The following GALNT17 variants were observed in gnomAD, a reference collection of about 807,000 sequenced individuals.
The protein encoded by GALNT17 is UDP-GalNAc:polypeptide N-acetylgalactosaminyltransferase-like 3.
Under a neutral mutation model 63.7 loss-of-function variants are expected in GALNT17, and 29 were observed. The ratio of observed to expected loss-of-function variants is 0.46; its 90% CI spans 0.34 to 0.62. The LOEUF is 0.62. Among genes scored for constraint, GALNT17 ranks in the 20% least tolerant of loss-of-function variants. GALNT17 has a pLI of 0.01. For missense variants in GALNT17, 603 were observed against 799.6 expected, an observed-to-expected ratio of 0.75 and a Z score of 2.97; for synonymous variants, 305 against 318.3, an observed-to-expected ratio of 0.96 and a Z score of 0.45.
At chr7:71,137,396 C>G (rs1787806247) in intron 1 of GALNT17, among the ~76,000 whole-genome samples, 2 of 152,176 alleles carry the variant, frequency 1.3e-5, no homozygotes, top group South Asian at 4.1e-4. Flanking sequence ...GCCTCGGCCT[C>G]CCAAGGTGCT....
chr7:71,660,884 C>G (rs1790898405), intron 6 of GALNT17, among the ~76,000 whole-genome samples: 1 of 152,210 alleles, frequency 6.6e-6, no homozygotes, highest in South Asian at 2.1e-4. Flanking sequence ...GGTGATCACC[C>G]CCAGCCAACA....
chr7:71,306,888 G>A (rs4323379), intron 1 of GALNT17, among the ~76,000 whole-genome samples: 139,604 of 152,114 alleles, frequency 0.92, 64,133 homozygotes, highest in East Asian at 1. Context: ...CAGTGGCACA[G>A]TCTCAGCTCA....
chr7:71,291,227 C>T (rs116290592), intron 1 of GALNT17, among the ~76,000 whole-genome samples: 2,594 of 152,166 alleles, frequency 0.017, 24 homozygotes, highest in Middle Eastern at 0.034. Context: ...ATTTGTAACA[C>T]CTTCTACATC....
intron 5 of GALNT17, among the ~76,000 whole-genome samples, chr7:71,489,594 A>G (rs1271134066): frequency 1.3e-5 from 2 of 152,258 alleles, no homozygotes; most frequent in Non-Finnish European, 1.5e-5. Context: ...TATTAACCTC[A>G]GAAGGGAGAG....
intron 5 of GALNT17, among the ~76,000 whole-genome samples, chr7:71,445,668 C>T (rs1787149280): frequency 2.6e-5 from 4 of 152,132 alleles, no homozygotes; most frequent in Admixed American, 2.6e-4. Context: ...TTGCTGAAAT[C>T]GATTAAATTC....
At chr7:71,260,824 G>A (rs576568893) in intron 1 of GALNT17, among the ~76,000 whole-genome samples, 15 of 151,872 alleles carry the variant, frequency 9.9e-5, no homozygotes, top group Non-Finnish European at 1.9e-4. Flanking sequence ...GGCTGGCCTC[G>A]AACTCCTGGA....
chr7:71,246,417 C>T (rs1790098933), intron 1 of GALNT17, among the ~76,000 whole-genome samples: 1 of 151,916 alleles, frequency 6.6e-6, no homozygotes, highest in South Asian at 2.1e-4. Context: ...GCCACCACGC[C>T]TGGCCCCTCA....
intron 1 of GALNT17, among the ~76,000 whole-genome samples, chr7:71,189,246 A>G (rs947052194): frequency 6.6e-6 from 1 of 152,118 alleles, no homozygotes; most frequent in Non-Finnish European, 1.5e-5. Flanking sequence ...GCCTGCCGCC[A>G]TGTAAGATGT....
Position 71,206,112 on chromosome 7 carries a change from C to A in GALNT17, c.238+73072C>A, listed in dbSNP as rs541146804. Among the ~76,000 whole-genome samples the A allele has an allele frequency of 2.7e-5, 4 of 147,214 alleles. No homozygotes were observed. The South Asian group carries it at 8.6e-4, about 32-fold the overall frequency. On this transcript the variant is annotated intron_variant, in intron 1 of 10. Transcript: ENST00000333538. Reference sequence around the variant, plus strand: ...GTGTGTGTGTTCATGTGTGTGTATACATATGAGGTGTGTGTTTGTGTGTGT... The same window carrying A: ...GTGTGTGTGTTCATGTGTGTGTATAAATATGAGGTGTGTGTTTGTGTGTGT...
chr7:71,271,717 C>A (rs1300392177), intron 1 of GALNT17, among the ~76,000 whole-genome samples: 2 of 152,138 alleles, frequency 1.3e-5, no homozygotes, highest in Non-Finnish European at 2.9e-5. Context: ...CAGTCTCCAA[C>A]TCATCCTTAG....
chr7:71,493,995 A>G (rs1449596680), intron 5 of GALNT17, among the ~76,000 whole-genome samples: 1 of 152,064 alleles, frequency 6.6e-6, no homozygotes, highest in Non-Finnish European at 1.5e-5. Flanking sequence ...GGCAGGGTGT[A>G]TTAGTCCATT....
chr7:71,327,516 TAA>T (rs35470318), intron 1 of GALNT17, among the ~76,000 whole-genome samples: 1 of 152,076 alleles, frequency 6.6e-6, no homozygotes, highest in South Asian at 2.1e-4. Flanking sequence ...GAGCTACAAT[TAA>T]AAATGAGATT....
rs1554362120 is a variant in GALNT17 at position 71,377,114 on chromosome 7, A to ATATATATATAT, written c.423-11121_423-11120insTATATATATAT. Among the ~76,000 whole-genome samples, 37 of 57,454 alleles carry ATATATATATAT rather than the reference A, an allele frequency of 6.4e-4. 1 individual carries two copies. Among genetic ancestry groups the ATATATATATAT allele is most frequent in the Admixed American group, 1.0e-3 (4 of 3,988 alleles). 37.7% of individuals were successfully genotyped at this position (57,454 alleles called of 152,430 possible). A position where few individuals can be genotyped will look rare whatever the true frequency, so the allele number is the denominator to read the frequency against. On this transcript the variant is annotated intron_variant, in intron 2 of 10. Coordinates refer to ENST00000333538, the MANE Select transcript of GALNT17 (RefSeq NM_022479.3). ...AAAAAAAAAAAATAAAAATAAAAAAAATATATATATATATATATATATATA... is the reference window on the plus strand; with the variant it reads ...AAAAAAAAAAAATAAAAATAAAAAAATATATATATATATATATATATATATATATATATATA...
intron 1 of GALNT17, among the ~76,000 whole-genome samples, chr7:71,180,786 C>T (rs948340013): frequency 1.3e-5 from 2 of 152,074 alleles, no homozygotes; most frequent in African/African-American, 4.8e-5. Flanking sequence ...CTCATGAAAG[C>T]TGAGTGATGG....
At chr7:71,632,162 C>G (rs985947498) in intron 6 of GALNT17, among the ~76,000 whole-genome samples, 1 of 152,116 alleles carries the variant, frequency 6.6e-6, no homozygotes, top group Non-Finnish European at 1.5e-5. Flanking sequence ...GATGCTCTTA[C>G]AAGGACCATT....
At chr7:71,479,895 GTCT>G (rs879726147) in intron 5 of GALNT17, among the ~76,000 whole-genome samples, 32 of 152,278 alleles carry the variant, frequency 2.1e-4, no homozygotes, top group Non-Finnish European at 2.2e-4. Flanking sequence ...ATGGTGGCAC[GTCT>G]TCTTCTGTGA....
chr7:71,388,257 A>C lies in GALNT17; in HGVS notation c.445A>C (p.Lys149Gln), dbSNP rs1195573482. The C allele has an allele frequency of 6.2e-7, 1 of 1,613,752 alleles. No homozygotes were observed. The highest frequency in any genetic ancestry group is 8.5e-7 in the Non-Finnish European group (1 of 1,179,926). ...CAGGTGTAAGGAGCTCAAGTACTCC[A>C]AGGACCTGCCCCAGATATCCATCAT... ...PTKCKELKYS[K>Q]DLPQISIIFI... Residue 149 changes from lysine (K) to glutamine (Q), a missense_variant, in exon 3 of 11, where the codon AAG becomes CAG. Lys to Gln is a moderately conservative substitution (Grantham distance 53). Coordinates refer to ENST00000333538, the MANE Select transcript of GALNT17 (RefSeq NM_022479.3).
chr7:71,549,156 C>T (rs1378046213), intron 5 of GALNT17, among the ~76,000 whole-genome samples: 1 of 152,140 alleles, frequency 6.6e-6, no homozygotes, highest in African/African-American at 2.4e-5. Context: ...CGAGCAGAGT[C>T]GCCAGTCTTT....
At position 71,343,063 on chromosome 7, in the gene GALNT17, G is replaced by A. The variant is rs533211150; in HGVS notation, c.422+7330G>A. Among the ~76,000 whole-genome samples the A allele has an allele frequency of 3.4e-4, 52 of 152,344 alleles. 1 individual carries two copies. The South Asian group carries it at 0.01, about 30-fold the overall frequency. The stretch of plus-strand genomic sequence containing the variant: ...CCATAGGCCATAGGCAGTAACCAGA[G>A]AGACTGTTGTAAATTCTGAGCTCCA... On this transcript the variant is annotated intron_variant, in intron 2 of 10. Coordinates refer to ENST00000333538, the MANE Select transcript of GALNT17 (RefSeq NM_022479.3).
Sources: allele counts gnomAD v4.1 joint callset (sites outside exome capture counted in the v4.1 genomes callset), GRCh38; gene constraint gnomAD v4.1.1; transcripts MANE v1.5; gene names NCBI Gene and HGNC (gene_info 2026-07-23, HGNC 2026-07-21).